The following NUTM2E variants were observed in gnomAD, a reference collection of about 807,000 sequenced individuals.
The protein encoded by NUTM2E is NUT family member 2E, also known as family with sequence similarity 22, member E.
A neutral mutation model predicts 26.1 loss-of-function variants in NUTM2E; 3 were observed. The ratio of observed to expected loss-of-function variants is 0.12; its 90% CI spans 0.05 to 0.30. The LOEUF (loss-of-function observed/expected upper bound fraction) is 0.30. Ranked by LOEUF, NUTM2E falls within the 10% of genes least tolerant of loss-of-function variation. NUTM2E has a pLI of 1.00. For synonymous variants in NUTM2E, 13 were observed against 157.5 expected, an observed-to-expected ratio of 0.08 and a Z score of 6.87; for missense variants, 62 against 381.3, an observed-to-expected ratio of 0.16 and a Z score of 6.97.
chr10:79,831,806 C>G (rs1841928451), intron 1 of NUTM2E, among the ~76,000 whole-genome samples: 1 of 150,796 alleles, frequency 6.6e-6, no homozygotes. Context: ...AGACCATTTC[C>G]AAATTCATGA....
intron 1 of NUTM2E, among the ~76,000 whole-genome samples, chr10:79,829,426 T>C (rs915340709): frequency 2.6e-5 from 4 of 151,758 alleles, no homozygotes; most frequent in African/African-American, 9.7e-5. Flanking sequence ...CTATACAAAA[T>C]AGAAACACTA....
chr10:79,830,441 G>A (rs1202190007), intron 1 of NUTM2E, among the ~76,000 whole-genome samples: 1 of 151,630 alleles, frequency 6.6e-6, no homozygotes, highest in African/African-American at 2.4e-5. Flanking sequence ...TGGAAGAGAG[G>A]ATAGTTCTGT....
At chr10:79,835,489 C>A (rs1841957769) in intron 1 of NUTM2E, among the ~76,000 whole-genome samples, 1 of 101,020 alleles carries the variant, frequency 9.9e-6, no homozygotes, top group Non-Finnish European at 2.1e-5. Flanking sequence ...ATACATATGC[C>A]CCTCTGACTA....
intron 3 of NUTM2E, among the ~76,000 whole-genome samples, 35 bp downstream of exon 3, chr10:79,839,150 C>T (rs1841983965): frequency 6.6e-6 from 1 of 151,670 alleles, no homozygotes; most frequent in South Asian, 2.1e-4. Flanking sequence ...ACCTAGGTAA[C>T]ACCCTTGCTG....
At chr10:79,835,405 G>T (rs1194806921) in intron 1 of NUTM2E, among the ~76,000 whole-genome samples, 1 of 143,158 alleles carries the variant, frequency 7.0e-6, no homozygotes, top group Non-Finnish European at 1.5e-5. Flanking sequence ...TGAAATAGAA[G>T]CTTGAATTCC....
rs1488713806 is a variant in NUTM2E, at chr10:79,839,699, T to C, written c.-2042T>C. The stretch of plus-strand genomic sequence containing the variant: ...ATTGATGCAGGCCCAGGGCCTCAAG[T>C]GCAGAGTCTGAGAGCTCTGCAGGAC... On this transcript the variant is annotated 5_prime_UTR_variant, in exon 4 of 10. Coordinates refer to ENST00000429984, the MANE Select transcript of NUTM2E (RefSeq NM_001355263.2). Among the ~76,000 whole-genome samples the C allele has an allele frequency of 6.6e-6, 1 of 151,880 alleles. No homozygotes were observed. Among genetic ancestry groups the C allele is most frequent in the African/African-American group, 2.4e-5 (1 of 41,302 alleles).
intron 1 of NUTM2E, among the ~76,000 whole-genome samples, chr10:79,837,874 C>A (rs986323091): frequency 6.6e-6 from 1 of 151,842 alleles, no homozygotes; most frequent in African/African-American, 2.4e-5. Context: ...CTTCAAGGAG[C>A]ACAGCGTCTA....
intron 1 of NUTM2E, among the ~76,000 whole-genome samples, chr10:79,830,974 C>T (rs1841924053): frequency 6.6e-6 from 1 of 151,496 alleles, no homozygotes; most frequent in Non-Finnish European, 1.5e-5. Flanking sequence ...ATTTATATAC[C>T]ACGTAGGCAT....
At chr10:79,834,249 C>T (rs1189988034) in intron 1 of NUTM2E, among the ~76,000 whole-genome samples, 3 of 151,568 alleles carry the variant, frequency 2.0e-5, no homozygotes, top group Non-Finnish European at 2.9e-5. Flanking sequence ...AAGAGAAATA[C>T]GTAATGCAGA....
Position 79,849,408 on chromosome 10 carries a change from T to C in NUTM2E, c.1772T>C (p.Leu591Ser), listed in dbSNP as rs1842040295. The C allele has an allele frequency of 1.6e-6, 1 of 608,558 alleles. No individual in the cohort carries two copies. Among genetic ancestry groups the C allele is most frequent in the African/African-American group, 3.1e-5 (1 of 31,764 alleles). The allele number at this position is 608,558 out of a possible 1,614,324, so 37.7% of individuals were successfully genotyped here. Residue 591 changes from leucine (L) to serine (S), a missense_variant, in exon 9 of 10, where the codon TTG becomes TCG. Transcript: ENST00000429984. ...AVIHPQFLEE[L>S]LSPDPQMDFL... The stretch of plus-strand genomic sequence containing the variant: ...ATTCATCCCCAATTCCTGGAAGAAT[T>C]GCTTTCCCCAGATCCACAGATGGAT...
chr10:79,831,981 TG>T (rs1274198832), intron 1 of NUTM2E, among the ~76,000 whole-genome samples: 1 of 151,870 alleles, frequency 6.6e-6, no homozygotes, highest in Non-Finnish European at 1.5e-5. Context: ...TGTTTGCACA[TG>T]GCCATTTTCT....
chr10:79,834,206 C>T (rs1222201298), intron 1 of NUTM2E, among the ~76,000 whole-genome samples: 7 of 150,218 alleles, frequency 4.7e-5, no homozygotes, highest in African/African-American at 9.8e-5. Context: ...TGGGGCCTGT[C>T]GCGGGGTGGG....
At chr10:79,827,590 G>A (rs1454043224) in intron 1 of NUTM2E, 1 of 150,348 alleles carries the variant, frequency 6.7e-6, no homozygotes, top group Non-Finnish European at 1.5e-5. Flanking sequence ...AAAAATTTTG[G>A]AGTGTAAACA....
In NUTM2E at chr10:79,829,896, GA is replaced by G. The variant is rs570272338; in HGVS notation, c.-2728+2540del. On this transcript the variant is annotated intron_variant, in intron 1 of 9. Transcript: ENST00000429984. ...ATTATTGAACAAATTACTTGTTGGA[GA>G]TGGAGTTGCAGACAAAACAAATATT... 3.0e-4 allele frequency among the ~76,000 whole-genome samples: 45 copies of G among 151,560 alleles called. No homozygotes were observed. The East Asian group carries it at 8.6e-3, about 29-fold the overall frequency.
chr10:79,831,031 C>G (rs578079086), intron 1 of NUTM2E, among the ~76,000 whole-genome samples: 1 of 151,886 alleles, frequency 6.6e-6, no homozygotes, highest in Non-Finnish European at 1.5e-5. Context: ...TCTCTTTTGA[C>G]CTAGAGTTTT....
chr10:79,832,344 A>G (rs972831440), intron 1 of NUTM2E, among the ~76,000 whole-genome samples: 4 of 151,754 alleles, frequency 2.6e-5, no homozygotes, highest in African/African-American at 7.3e-5. Flanking sequence ...ATCGTGGGGA[A>G]GAAGTTTGTG....
intron 1 of NUTM2E, among the ~76,000 whole-genome samples, chr10:79,834,655 GAT>G (rs1841949441): frequency 6.9e-6 from 1 of 145,274 alleles, no homozygotes; most frequent in Non-Finnish European, 1.5e-5. Context: ...GCAACAGAGC[GAT>G]GCTCCATCTT....
Position 79,849,802 on chromosome 10 carries a change from G to GC in NUTM2E, c.1852-14dup, listed in dbSNP as rs1306156460. The stretch of plus-strand genomic sequence containing the variant: ...CACACCTGGGGCAGTGCCAGTAAGT[G>GC]CCCCCTTTCCTCCCGCAGCTAGTGG... On this transcript the variant is annotated intron_variant, in intron 9 of 9. Transcript: ENST00000429984. 3 of 739,450 alleles carry GC rather than the reference G, an allele frequency of 4.1e-6. No individual in the cohort carries two copies. The highest frequency in any genetic ancestry group is 6.2e-6 in the Non-Finnish European group (3 of 480,154). 45.8% of individuals were successfully genotyped at this position (739,450 alleles called of 1,614,324 possible). A position where few individuals can be genotyped will look rare whatever the true frequency, so the allele number is the denominator to read the frequency against.
intron 1 of NUTM2E, among the ~76,000 whole-genome samples, chr10:79,829,954 C>G (rs549056412): frequency 9.8e-4 from 148 of 151,244 alleles, no homozygotes; most frequent in African/African-American, 3.4e-3. Flanking sequence ...TTATTGTACT[C>G]AGGAGAAGAG....
Sources: gnomAD v4.1 joint callset for allele counts (sites outside exome capture counted in the v4.1 genomes callset) on GRCh38, gnomAD v4.1.1 for gene constraint, MANE v1.5 for transcripts, NCBI Gene and HGNC (gene_info 2026-07-23, HGNC 2026-07-21) for gene names.